Variants in CHL1 observed in about 807,000 individuals in gnomAD.
CHL1 encodes the protein neural cell adhesion molecule L1-like protein.
Under a neutral mutation model 141.9 loss-of-function variants are expected in CHL1, and 96 were observed. The observed-to-expected ratio is 0.68, with a 90% CI of 0.57 to 0.80. CHL1 has a LOEUF of 0.80. Among genes scored for constraint, CHL1 ranks in the 30% least tolerant of loss-of-function variants. The pLI is 0.00. For synonymous variants in CHL1, 613 were observed against 502.2 expected (o/e 1.22, Z -2.95); for missense variants, 1,820 against 1,457.2 (o/e 1.25, Z -4.05).
At chr3:230,873 C>T (rs555109931) in intron 1 of CHL1, among the ~76,000 whole-genome samples, 2 of 152,176 alleles carry the variant, frequency 1.3e-5, no homozygotes, top group East Asian at 3.9e-4. Flanking sequence ...GTTTGAATGG[C>T]CCAGATCAGA....
At chr3:217,709 AG>A (rs1223938824) in intron 1 of CHL1, 1 of 152,332 alleles carries the variant, frequency 6.6e-6, no homozygotes, top group Non-Finnish European at 1.5e-5. Context: ...AGGTGAGCTT[AG>A]GGCAGATCAC....
In CHL1 at chr3:407,725, T is replaced by G. The variant is rs1189011671; in HGVS notation, c.*2014T>G. ...CTCTTCTTTGTCATCAGCCAAAACG[T>G]GGTTTTTAAAGAGAGTCATGCAGGT... On this transcript the variant is annotated 3_prime_UTR_variant, in exon 28 of 28. Transcript: ENST00000256509. 6.6e-6 allele frequency: 1 copy of G among 152,154 alleles called. No homozygotes were observed. The highest frequency in any genetic ancestry group is 1.5e-5 in the Non-Finnish European group (1 of 68,008). 9.4% of individuals were successfully genotyped at this position (152,154 alleles called of 1,614,324 possible).
intron 2 of CHL1, among the ~76,000 whole-genome samples, chr3:251,537 T>G (rs1366686221): frequency 2.0e-5 from 3 of 152,148 alleles, no homozygotes; most frequent in South Asian, 2.1e-4. Flanking sequence ...CCATTTTATC[T>G]CTTTGAGTTT....
At position 382,462 on chromosome 3, in the gene CHL1, T is replaced by G; in HGVS notation, c.1979-12T>G. The G allele has an allele frequency of 1.2e-6, 2 of 1,608,100 alleles. No homozygotes were observed. The highest frequency in any genetic ancestry group is 1.7e-6 in the Non-Finnish European group (2 of 1,174,648). On this transcript the variant is annotated splice_polypyrimidine_tract_variant and intron_variant, in intron 17 of 27. Transcript: ENST00000256509. Reference sequence around the variant, plus strand: ...ATACATTCTAATATTTTTTCCCTGTTTATACTACCAGAGTATATTGTTGAA... The same window carrying G: ...ATACATTCTAATATTTTTTCCCTGTGTATACTACCAGAGTATATTGTTGAA...
intron 10 of CHL1, among the ~76,000 whole-genome samples, chr3:352,667 A>G (rs536731423): frequency 6.6e-6 from 1 of 152,300 alleles, no homozygotes; most frequent in South Asian, 2.1e-4. Flanking sequence ...AGTCCCTCCC[A>G]ATATTACATG....
At chr3:330,195 A>T (rs543418784) in intron 5 of CHL1, among the ~76,000 whole-genome samples, 2 of 152,108 alleles carry the variant, frequency 1.3e-5, no homozygotes, top group Admixed American at 6.6e-5. Flanking sequence ...AACTTAAAAA[A>T]CTTATATCTT....
chr3:324,568 C>T (rs1024364740), intron 3 of CHL1, among the ~76,000 whole-genome samples: 6 of 151,898 alleles, frequency 4.0e-5, no homozygotes, highest in South Asian at 4.1e-4. Flanking sequence ...AATGTAATCT[C>T]GCTGCTCTAC....
In CHL1 at chr3:314,339, A is replaced by G. The variant is rs1339307446; in HGVS notation, c.-94-5344A>G. On this transcript the variant is annotated intron_variant, in intron 2 of 27. Coordinates refer to ENST00000256509, the MANE Select transcript of CHL1 (RefSeq NM_006614.4). ...TCTCTCTCTCTATGTGTATATATAT[A>G]TATATATATATATATATATATATAT... is the stretch of plus-strand genomic sequence containing the variant. Among the ~76,000 whole-genome samples, 114 of 58,792 alleles carry G rather than the reference A, an allele frequency of 1.9e-3. 3 individuals are homozygous for G. Among genetic ancestry groups the G allele is most frequent in the African/African-American group, 0.011 (111 of 10,512 alleles). The allele number at this position is 58,792 out of a possible 152,430, so 38.6% of individuals were successfully genotyped here.
chr3:354,220 T>G (rs1703507392), intron 10 of CHL1, among the ~76,000 whole-genome samples: 1 of 152,166 alleles, frequency 6.6e-6, no homozygotes, highest in Non-Finnish European at 1.5e-5. Flanking sequence ...TTTAAAATTC[T>G]TACAATATAA....
intron 24 of CHL1, 62 bp from the exon 25 acceptor site, chr3:398,165 T>G: frequency 8.3e-7 from 1 of 1,200,952 alleles, no homozygotes; most frequent in Non-Finnish European, 1.1e-6. Flanking sequence ...ACAACAATAT[T>G]TTTTTATGTC....
chr3:222,425 C>T (rs2124985557), intron 1 of CHL1, among the ~76,000 whole-genome samples: 1 of 152,196 alleles, frequency 6.6e-6, no homozygotes, highest in Middle Eastern at 3.4e-3. Flanking sequence ...ATTTATTTAC[C>T]CATATGCATG....
intron 4 of CHL1, among the ~76,000 whole-genome samples, chr3:327,199 G>T (rs1293057438): frequency 1.3e-5 from 2 of 151,876 alleles, no homozygotes; most frequent in Admixed American, 6.6e-5. Flanking sequence ...TTGAAGGTTT[G>T]TTATTCCTGT....
chr3:376,814 G>C (rs1706384286), intron 15 of CHL1, among the ~76,000 whole-genome samples: 1 of 152,084 alleles, frequency 6.6e-6, no homozygotes, highest in Non-Finnish European at 1.5e-5. Context: ...TAGAATTATG[G>C]TGAGATTCTT....
intron 10 of CHL1, among the ~76,000 whole-genome samples, chr3:350,984 C>T (rs761075703): frequency 1.2e-4 from 18 of 151,954 alleles, no homozygotes; most frequent in Non-Finnish European, 1.9e-4. Flanking sequence ...TTTTCTGTAA[C>T]CCCCTCCTCC....
intron 19 of CHL1, among the ~76,000 whole-genome samples, chr3:386,150 C>T (rs1229206212): frequency 1.3e-5 from 2 of 149,548 alleles, no homozygotes; most frequent in African/African-American, 4.9e-5. Context: ...AGACCCCCTC[C>T]AGAGATGTAC....
intron 23 of CHL1, among the ~76,000 whole-genome samples, chr3:393,139 A>C (rs959257513): frequency 1.4e-5 from 2 of 146,566 alleles, no homozygotes; most frequent in African/African-American, 4.9e-5. Flanking sequence ...CGGCTGAGGC[A>C]GGAGAATGGC....
intron 12 of CHL1, 73 bp downstream of exon 12, chr3:360,497 T>C: frequency 6.9e-7 from 1 of 1,458,750 alleles, no homozygotes; most frequent in Non-Finnish European, 9.4e-7. Context: ...TTCAGAAGTG[T>C]ATTAACTCTT....
At chr3:338,591 T>TA (rs951365776) in intron 5 of CHL1, among the ~76,000 whole-genome samples, 1 of 152,188 alleles carries the variant, frequency 6.6e-6, no homozygotes, top group Non-Finnish European at 1.5e-5. Flanking sequence ...GGATAAGACA[T>TA]AAAAAATTCC....
intron 1 of CHL1, among the ~76,000 whole-genome samples, chr3:238,837 G>A (rs1317838200): frequency 6.6e-6 from 1 of 152,012 alleles, no homozygotes; most frequent in Non-Finnish European, 1.5e-5. Context: ...GGAGGCTGAG[G>A]CAGGAGAATT....
Sources: allele counts gnomAD v4.1 joint callset (sites outside exome capture counted in the v4.1 genomes callset), GRCh38; gene constraint gnomAD v4.1.1; transcripts MANE v1.5; gene names NCBI Gene and HGNC (gene_info 2026-07-23, HGNC 2026-07-21).